Variants in PSMB2 observed in about 807,000 individuals in gnomAD.
PSMB2 encodes proteasome subunit beta type-2.
Under a neutral mutation model 25.7 loss-of-function variants are expected in PSMB2, and 13 were observed. The ratio of observed to expected loss-of-function variants is 0.51; its 90% CI spans 0.33 to 0.80. The LOEUF (loss-of-function observed/expected upper bound fraction) is 0.80. Among genes scored for constraint, PSMB2 ranks in the 30% least tolerant of loss-of-function variants. The pLI, the probability that PSMB2 is intolerant of heterozygous loss-of-function variation, is 0.02. For missense variants in PSMB2, 202 were observed against 259.0 expected (o/e 0.78, Z 1.51); for synonymous variants, 87 against 96.2 (o/e 0.90, Z 0.56).
chr1:35,628,618 TA>T (rs1557456501), intron 3 of PSMB2, among the ~76,000 whole-genome samples: 3 of 52,342 alleles, frequency 5.7e-5, no homozygotes, highest in African/African-American at 2.3e-4. Context: ...TATATATATA[TA>T]TATATATATA....
chr1:35,603,585 G>C (rs186881046), intron 5 of PSMB2, among the ~76,000 whole-genome samples: 1 of 152,192 alleles, frequency 6.6e-6, no homozygotes, highest in Non-Finnish European at 1.5e-5. Context: ...AGGCAGGGAG[G>C]CTGAACTGGG....
At chr1:35,610,988 A>AT (rs374592534) in intron 3 of PSMB2, among the ~76,000 whole-genome samples, 23 of 150,930 alleles carry the variant, frequency 1.5e-4, no homozygotes, top group African/African-American at 3.2e-4. Flanking sequence ...CAAATGGATG[A>AT]TTTTTTTTTT....
In PSMB2 at chr1:35,600,598, G is replaced by A. The variant is rs749728045; in HGVS notation, c.*2669C>T. 1.5e-5 allele frequency: 15 copies of A among 985,336 alleles called. No individual in the cohort carries two copies. The highest frequency in any genetic ancestry group is 1.8e-5 in the Non-Finnish European group (15 of 829,940). The allele number at this position is 985,336 out of a possible 1,614,324, so 61.0% of individuals were successfully genotyped here. Reference sequence around the variant, plus strand: ...TTCTCTAAGACAGAATGTCATAGAGGCGGTTTGGAGAGGGGCAGATGGTAA... The same window carrying A: ...TTCTCTAAGACAGAATGTCATAGAGACGGTTTGGAGAGGGGCAGATGGTAA... On this transcript the variant is annotated 3_prime_UTR_variant, in exon 6 of 6. Transcript: ENST00000373237.
intron 1 of PSMB2, among the ~76,000 whole-genome samples, chr1:35,638,487 A>G (rs1200294592): frequency 6.6e-6 from 1 of 152,196 alleles, no homozygotes; most frequent in African/African-American, 2.4e-5. Context: ...CAGTTTCCAG[A>G]TGTGTGAAAT....
At chr1:35,610,432 GAA>G (rs1041002839) in intron 3 of PSMB2, among the ~76,000 whole-genome samples, 2 of 151,788 alleles carry the variant, frequency 1.3e-5, no homozygotes, top group African/African-American at 2.4e-5. Context: ...AAAAAAAAGA[GAA>G]AGAGAGAGAA....
intron 3 of PSMB2, 47 bp downstream of exon 3, chr1:35,631,227 C>A: frequency 6.4e-7 from 1 of 1,570,202 alleles, no homozygotes; most frequent in Non-Finnish European, 8.8e-7. Flanking sequence ...AAAAGAAGCA[C>A]AAAGGATTTT....
At chr1:35,641,308 C>A (rs1330971002) in intron 1 of PSMB2, 34 bp downstream of exon 1, 1 of 1,613,616 alleles carries the variant, frequency 6.2e-7, no homozygotes, top group East Asian at 2.2e-5. Context: ...TCCTACACCC[C>A]AGGCCTGGCC....
intron 3 of PSMB2, among the ~76,000 whole-genome samples, chr1:35,618,933 A>T (rs1002112472): frequency 1.3e-5 from 2 of 152,218 alleles, no homozygotes. Flanking sequence ...CCACGTTTAT[A>T]AATTCTCATA....
intron 1 of PSMB2, among the ~76,000 whole-genome samples, chr1:35,640,880 G>A (rs1557461934): frequency 6.6e-6 from 1 of 152,152 alleles, no homozygotes; most frequent in Non-Finnish European, 1.5e-5. Flanking sequence ...ACTGACCCAG[G>A]AGCCCTGGAG....
intron 5 of PSMB2, among the ~76,000 whole-genome samples, chr1:35,604,768 G>A (rs1280093253): frequency 6.6e-6 from 1 of 152,126 alleles, no homozygotes; most frequent in South Asian, 2.1e-4. Context: ...CAACAAAAGC[G>A]AAACTCCGTC....
At chr1:35,618,183 G>T (rs780290766) in intron 3 of PSMB2, among the ~76,000 whole-genome samples, 30 of 152,128 alleles carry the variant, frequency 2.0e-4, no homozygotes, top group Non-Finnish European at 4.0e-4. Flanking sequence ...TGAAATATGA[G>T]ATATATTTAG....
chr1:35,618,728 A>G (rs556392446), intron 3 of PSMB2, among the ~76,000 whole-genome samples: 1 of 152,304 alleles, frequency 6.6e-6, no homozygotes, highest in African/African-American at 2.4e-5. Flanking sequence ...TGCCACTCAG[A>G]GTGGAGAAGG....
At chr1:35,611,416 C>T (rs1000409665) in intron 3 of PSMB2, among the ~76,000 whole-genome samples, 1 of 152,066 alleles carries the variant, frequency 6.6e-6, no homozygotes, top group African/African-American at 2.4e-5. Context: ...AATCATAGCT[C>T]GCTGCAGCCT....
At chr1:35,639,556 T>C (rs557232987) in intron 1 of PSMB2, among the ~76,000 whole-genome samples, 1 of 152,308 alleles carries the variant, frequency 6.6e-6, no homozygotes, top group African/African-American at 2.4e-5. Context: ...GTTTTCTTAA[T>C]GTCTTGGACT....
chr1:35,610,833 T>G lies in PSMB2; in HGVS notation c.286-1425A>C, dbSNP rs372905304. ...TTTAAATCAAATCACCAGACTTAACTGAAAAGTAATTTTGAGACAAATAAA... is the reference window on the plus strand; with the variant it reads ...TTTAAATCAAATCACCAGACTTAACGGAAAAGTAATTTTGAGACAAATAAA... On this transcript the variant is annotated intron_variant, in intron 3 of 5. Transcript: ENST00000373237. Among the ~76,000 whole-genome samples, 62 of 152,360 alleles carry G rather than the reference T, an allele frequency of 4.1e-4. 1 individual carries two copies. The highest frequency in any genetic ancestry group is 1.5e-3 in the African/African-American group (62 of 41,588).
At chr1:35,628,910 A>AC (rs1398966190) in intron 3 of PSMB2, among the ~76,000 whole-genome samples, 1 of 152,100 alleles carries the variant, frequency 6.6e-6, no homozygotes, top group African/African-American at 2.4e-5. Flanking sequence ...TTAAGCAAGT[A>AC]CAGATGAAAA....
In PSMB2 at chr1:35,599,663, C is replaced by G. The variant is rs1649933292; in HGVS notation, c.*3604G>C. The G allele has an allele frequency of 2.0e-6, 2 of 984,740 alleles. No individual in the cohort carries two copies. The highest frequency in any genetic ancestry group is 3.5e-5 in the African/African-American group (2 of 57,154). 61.0% of individuals were successfully genotyped at this position (984,740 alleles called of 1,614,324 possible). A position where few individuals can be genotyped will look rare whatever the true frequency, so the allele number is the denominator to read the frequency against. ...AAGAATTGGGCTTTATTCTCTTAAGCCATGGAAAACCACCAGAAAGTTTTA... is the reference window on the plus strand; with the variant it reads ...AAGAATTGGGCTTTATTCTCTTAAGGCATGGAAAACCACCAGAAAGTTTTA... On this transcript the variant is annotated 3_prime_UTR_variant, in exon 6 of 6. Transcript: ENST00000373237.
intron 3 of PSMB2, among the ~76,000 whole-genome samples, chr1:35,613,561 G>A (rs1190930332): frequency 4.6e-5 from 7 of 152,154 alleles, no homozygotes; most frequent in Non-Finnish European, 8.8e-5. Context: ...AAAGCAATAA[G>A]TGCTACTTCT....
At chr1:35,638,373 T>C (rs1477324039) in intron 1 of PSMB2, among the ~76,000 whole-genome samples, 2 of 152,178 alleles carry the variant, frequency 1.3e-5, no homozygotes, top group Admixed American at 6.5e-5. Flanking sequence ...AACATTAGCA[T>C]GTCATACTGT....
Sources: gnomAD v4.1 joint callset for allele counts (sites outside exome capture counted in the v4.1 genomes callset) on GRCh38, gnomAD v4.1.1 for gene constraint, MANE v1.5 for transcripts, NCBI Gene and HGNC (gene_info 2026-07-23, HGNC 2026-07-21) for gene names.